Variants in SPATS2L observed in about 807,000 individuals in gnomAD.
SPATS2L encodes the protein spermatogenesis associated serine rich 2 like, also known as SPATS2-like protein.
In SPATS2L, 30 loss-of-function variants were observed where a neutral mutation model predicts 59.6. The observed-to-expected ratio is 0.50, with a 90% CI of 0.38 to 0.68. The LOEUF (loss-of-function observed/expected upper bound fraction) is 0.68, where lower values mean the gene tolerates loss of function less well. Among genes scored for constraint, SPATS2L ranks in the 30% least tolerant of loss-of-function variants. The pLI is 0.00. For missense variants in SPATS2L, 615 were observed against 700.0 expected, an observed-to-expected ratio of 0.88 and a Z score of 1.37; for synonymous variants, 252 against 263.5, an observed-to-expected ratio of 0.96 and a Z score of 0.42.
chr2:200,310,448 C>G (rs2079156465), intron 1 of SPATS2L, among the ~76,000 whole-genome samples: 1 of 152,178 alleles, frequency 6.6e-6, no homozygotes, highest in Admixed American at 6.5e-5. Context: ...AGGCCGTCAG[C>G]CATCACCGTT....
At chr2:200,396,787 A>C (rs2082369139) in intron 3 of SPATS2L, among the ~76,000 whole-genome samples, 1 of 152,216 alleles carries the variant, frequency 6.6e-6, no homozygotes, top group Non-Finnish European at 1.5e-5. Flanking sequence ...GTAGAAGTCA[A>C]TTTAGTCCAA....
At chr2:200,396,016 A>G in intron 3 of SPATS2L, among the ~76,000 whole-genome samples, 1 of 32,590 alleles carries the variant, frequency 3.1e-5, no homozygotes, top group Non-Finnish European at 7.7e-5. Flanking sequence ...ATCTGGAAAA[A>G]AAAAAAAAAA....
chr2:200,342,192 G>A (rs2080354831), intron 2 of SPATS2L, among the ~76,000 whole-genome samples: 1 of 152,106 alleles, frequency 6.6e-6, no homozygotes, highest in Non-Finnish European at 1.5e-5. Flanking sequence ...ACCATGTCTT[G>A]TATTGCCAGC....
intron 8 of SPATS2L, among the ~76,000 whole-genome samples, chr2:200,450,896 A>T (rs2085391125): frequency 6.6e-6 from 1 of 152,224 alleles, no homozygotes; most frequent in African/African-American, 2.4e-5. Context: ...GTGACCTTTG[A>T]GCAGGATCTT....
At chr2:200,414,456 T>C (rs918168531) in intron 4 of SPATS2L, among the ~76,000 whole-genome samples, 2 of 152,044 alleles carry the variant, frequency 1.3e-5, no homozygotes, top group African/African-American at 2.4e-5. Flanking sequence ...GGCGAGACAC[T>C]GTCTCTACAA....
At chr2:200,307,598 C>A (rs765924573) in intron 1 of SPATS2L, among the ~76,000 whole-genome samples, 3 of 152,190 alleles carry the variant, frequency 2.0e-5, no homozygotes, top group African/African-American at 7.2e-5. Context: ...AGTCCGCGGG[C>A]TGCGGACCCC....
chr2:200,359,369 C>A (rs1266050054), intron 2 of SPATS2L, among the ~76,000 whole-genome samples: 1 of 152,094 alleles, frequency 6.6e-6, no homozygotes. Flanking sequence ...CAGCTTGCAC[C>A]CTAACCTCAG....
At chr2:200,398,049 G>A (rs147740733) in intron 3 of SPATS2L, among the ~76,000 whole-genome samples, 3 of 152,250 alleles carry the variant, frequency 2.0e-5, no homozygotes, top group Non-Finnish European at 4.4e-5. Flanking sequence ...ATTGAATTTC[G>A]GCAGGCTGAT....
intron 6 of SPATS2L, among the ~76,000 whole-genome samples, chr2:200,435,509 C>T (rs16833322): frequency 0.069 from 10,449 of 151,932 alleles, 394 homozygotes; most frequent in African/African-American, 0.095. Context: ...TCATATCAAA[C>T]GAGGCTCCCT....
intron 2 of SPATS2L, among the ~76,000 whole-genome samples, chr2:200,348,253 T>C (rs577911044): frequency 1.1e-3 from 171 of 152,208 alleles, no homozygotes; most frequent in Non-Finnish European, 2.1e-3. Flanking sequence ...AAAATGTCGT[T>C]GTCCTGTCTT....
intron 7 of SPATS2L, among the ~76,000 whole-genome samples, chr2:200,440,441 A>C (rs1231493502): frequency 6.6e-6 from 1 of 152,216 alleles, no homozygotes; most frequent in Non-Finnish European, 1.5e-5. Context: ...CAGATGGCCC[A>C]GTCAGAGACC....
rs750637147 is a variant in SPATS2L, at chr2:200,472,985, C to G, written c.1214C>G (p.Pro405Arg). The G allele has an allele frequency of 1.7e-5, 27 of 1,613,730 alleles. No homozygotes were observed. Among genetic ancestry groups the G allele is most frequent in the Non-Finnish European group, 2.2e-5 (26 of 1,179,866 alleles). ...CCCTCTGAAGGCAAAGCGGCAAACC[C>G]CAAAATGGTGAGCAGTCTCCCCAGC... is the stretch of plus-strand genomic sequence containing the variant. ...NKPSEGKAAN[P>R]KMVSSLPSTA... The change falls in exon 12 of 13, where the codon CCC (proline) becomes CGC (arginine). Residue 405 changes from proline (P) to arginine (R), a missense_variant. Transcript: ENST00000409140.
chr2:200,357,797 C>T (rs904689813), intron 2 of SPATS2L, among the ~76,000 whole-genome samples: 2 of 152,094 alleles, frequency 1.3e-5, no homozygotes, highest in African/African-American at 4.8e-5. Context: ...TTAAAGTCTT[C>T]GTAGTTAATT....
chr2:200,360,776 A>G (rs1243213098), intron 2 of SPATS2L, among the ~76,000 whole-genome samples: 1 of 151,954 alleles, frequency 6.6e-6, no homozygotes, highest in East Asian at 1.9e-4. Context: ...GAAAAGGAGC[A>G]CTCTTTCTTT....
intron 8 of SPATS2L, among the ~76,000 whole-genome samples, chr2:200,445,005 ACT>A (rs978632193): frequency 6.7e-6 from 1 of 149,926 alleles, no homozygotes; most frequent in Non-Finnish European, 1.5e-5. Flanking sequence ...CTCTGTTGAG[ACT>A]CTCTCCCCCA....
chr2:200,422,183 G>C, intron 6 of SPATS2L, among the ~76,000 whole-genome samples: 1 of 152,218 alleles, frequency 6.6e-6, no homozygotes, highest in East Asian at 1.9e-4. Flanking sequence ...GAGGTGTGTT[G>C]GTATTATTTG....
chr2:200,413,471 C>A (rs1386628759), intron 4 of SPATS2L, among the ~76,000 whole-genome samples: 1 of 152,144 alleles, frequency 6.6e-6, no homozygotes, highest in African/African-American at 2.4e-5. Context: ...TCAAATTAAA[C>A]AAGTTCCAGT....
intron 8 of SPATS2L, among the ~76,000 whole-genome samples, chr2:200,451,369 T>C (rs912916609): frequency 6.6e-6 from 1 of 152,130 alleles, no homozygotes; most frequent in Non-Finnish European, 1.5e-5. Flanking sequence ...TCTCACTCCA[T>C]CAATAAATGA....
intron 12 of SPATS2L, 97 bp from the exon 13 acceptor site, chr2:200,477,536 AAAG>A: frequency 5.7e-6 from 4 of 697,600 alleles, no homozygotes; most frequent in African/African-American, 2.0e-5. Context: ...AAAAAAAAAA[AAAG>A]CTTACCTGTG....
Sources: allele counts gnomAD v4.1 joint callset (sites outside exome capture counted in the v4.1 genomes callset), GRCh38; gene constraint gnomAD v4.1.1; transcripts MANE v1.5; gene names NCBI Gene and HGNC (gene_info 2026-07-23, HGNC 2026-07-21).